The following C1orf185 variants were observed in gnomAD, a reference collection of about 807,000 sequenced individuals.
C1orf185 encodes the protein uncharacterized protein C1orf185.
C1orf185 carries 13 observed loss-of-function variants against 16.1 expected under a neutral mutation model. The observed-to-expected ratio is 0.81, with a 90% confidence interval of 0.53 to 1.28. The LOEUF (loss-of-function observed/expected upper bound fraction) is 1.28, where lower values mean the gene tolerates loss of function less well. Ranked by LOEUF, C1orf185 falls within the 50% of genes most tolerant of loss-of-function variation. C1orf185 has a pLI of 0.00. For synonymous variants in C1orf185, 80 were observed against 76.9 expected, an observed-to-expected ratio of 1.04 and a Z score of -0.21; for missense variants, 220 against 225.2, an observed-to-expected ratio of 0.98 and a Z score of 0.15.
At chr1:51,138,774 G>A (rs1646344424) in intron 3 of C1orf185, among the ~76,000 whole-genome samples, 1 of 151,922 alleles carries the variant, frequency 6.6e-6, no homozygotes, top group Admixed American at 6.6e-5. Context: ...TGCAACCTCC[G>A]CCTCCCAGGT....
At chr1:51,131,379 C>G (rs1317708821) in intron 3 of C1orf185, among the ~76,000 whole-genome samples, 1 of 152,220 alleles carries the variant, frequency 6.6e-6, no homozygotes, top group African/African-American at 2.4e-5. Flanking sequence ...TCTTCCTCCT[C>G]CTTTCTCCAT....
rs1023543760 is a variant in C1orf185, at chr1:51,147,507, A to C, written c.336A>C (p.Thr112=). 1.9e-5 allele frequency: 29 copies of C among 1,543,356 alleles called. No individual in the cohort carries two copies. The highest frequency in any genetic ancestry group is 2.4e-5 in the Non-Finnish European group (28 of 1,144,292). The change falls in exon 5 of 5, where the codon ACA becomes ACC. Residue 112 remains threonine, a synonymous_variant. Coordinates refer to ENST00000371759, the MANE Select transcript of C1orf185 (RefSeq NM_001136508.2). ...CTAAAGATGAACCCCAACTTGCAAC[A>C]AAAAATATCATTTGTGATCCCTCAG... The part of the protein sequence containing the change: ...DHSKDEPQLA[T]KNIICDPSET...
Position 51,142,892 on chromosome 1 carries a change from TAGCTG to T in C1orf185, c.259-2831_259-2827del, listed in dbSNP as rs1646374597. 2.0e-5 allele frequency among the ~76,000 whole-genome samples: 3 copies of T among 152,016 alleles called. No individual in the cohort carries two copies. In the South Asian group the frequency reaches 6.2e-4, roughly 32 times the overall value. Reference sequence around the variant, plus strand: ...GATTCTCATGCCTCAGCCTCCCAAGTAGCTGGGATTACAGGCATGCACCATCATGC... The same window carrying T: ...GATTCTCATGCCTCAGCCTCCCAAGTGGATTACAGGCATGCACCATCATGC... On this transcript the variant is annotated intron_variant, in intron 3 of 4. Coordinates refer to ENST00000371759, the MANE Select transcript of C1orf185 (RefSeq NM_001136508.2).
chr1:51,137,940 C>T (rs773420625), intron 3 of C1orf185, among the ~76,000 whole-genome samples: 23 of 152,240 alleles, frequency 1.5e-4, no homozygotes, highest in Non-Finnish European at 2.6e-4. Flanking sequence ...CTTTAGCAAA[C>T]TAACACAGGA....
intron 3 of C1orf185, among the ~76,000 whole-genome samples, chr1:51,119,685 A>T (rs1646183586): frequency 6.6e-6 from 1 of 152,216 alleles, no homozygotes; most frequent in Admixed American, 6.5e-5. Flanking sequence ...CTGTAGTCCT[A>T]GTTGTTCAGG....
At chr1:51,106,258 T>C (rs968614658) in intron 1 of C1orf185, among the ~76,000 whole-genome samples, 1 of 152,078 alleles carries the variant, frequency 6.6e-6, no homozygotes, top group Non-Finnish European at 1.5e-5. Context: ...GGTAGAAAAT[T>C]TGATATATAG....
downstream of C1orf185, among the ~76,000 whole-genome samples, chr1:51,151,590 C>T (rs1400960454): frequency 6.6e-6 from 1 of 152,176 alleles, no homozygotes; most frequent in African/African-American, 2.4e-5. Context: ...GAAGCTGTGC[C>T]TCAGCAGCGA....
intron 1 of C1orf185, among the ~76,000 whole-genome samples, chr1:51,109,526 T>C (rs1007014535): frequency 1.1e-4 from 17 of 149,314 alleles, no homozygotes; most frequent in Non-Finnish European, 1.9e-4. Flanking sequence ...TTTTTTTTTC[T>C]AGTTGTTTTA....
chr1:51,113,017 C>T (rs1259514375), intron 2 of C1orf185, among the ~76,000 whole-genome samples: 2 of 151,774 alleles, frequency 1.3e-5, no homozygotes, highest in Non-Finnish European at 2.9e-5. Context: ...CGGGGTTTCA[C>T]CATGTTGGCC....
intron 3 of C1orf185, among the ~76,000 whole-genome samples, chr1:51,119,216 G>A (rs571198325): frequency 1.6e-4 from 25 of 152,214 alleles, no homozygotes; most frequent in Non-Finnish European, 3.1e-4. Flanking sequence ...GCTCCTCTGG[G>A]CCCCTTTATT....
intron 3 of C1orf185, among the ~76,000 whole-genome samples, chr1:51,119,522 C>G: frequency 6.6e-6 from 1 of 152,208 alleles, no homozygotes; most frequent in East Asian, 1.9e-4. Context: ...CTGGCCATGG[C>G]AGCTCATGCC....
At chr1:51,103,778 G>T (rs1300112654) in intron 1 of C1orf185, among the ~76,000 whole-genome samples, 1 of 152,056 alleles carries the variant, frequency 6.6e-6, no homozygotes, top group East Asian at 1.9e-4. Context: ...CAGGTGATCT[G>T]CCTGCCTTGG....
intron 3 of C1orf185, among the ~76,000 whole-genome samples, chr1:51,124,500 TC>T (rs1165713391): frequency 1.3e-5 from 2 of 152,190 alleles, no homozygotes; most frequent in Non-Finnish European, 2.9e-5. Flanking sequence ...TGGACAGCAA[TC>T]TTTTGTTGAA....
At chr1:51,128,373 T>C (rs1302601327) in intron 3 of C1orf185, among the ~76,000 whole-genome samples, 1 of 152,182 alleles carries the variant, frequency 6.6e-6, no homozygotes, top group Non-Finnish European at 1.5e-5. Flanking sequence ...GGTGGTGTTA[T>C]TAGTATTTTT....
Position 51,118,763 on chromosome 1 carries a change from A to G in C1orf185, c.220A>G (p.Ile74Val). 6.7e-7 allele frequency: 1 copy of G among 1,484,076 alleles called. No individual in the cohort carries two copies. The highest frequency in any genetic ancestry group is 2.1e-5 in the Admixed American group (1 of 46,808). 91.9% of individuals were successfully genotyped at this position (1,484,076 alleles called of 1,614,324 possible). The change falls in exon 3 of 5, where the codon ATT (isoleucine) becomes GTT (valine). Residue 74 changes from isoleucine to valine, a missense_variant. Transcript: ENST00000371759. ...TAAATCTCATTCTCAGTGTGTTTTT[A>G]TTTCTCGAAATTTTCATACTGGGAG... ...KIKSHSQCVFISRNFHTGRFQ... is the reference protein window; with the variant it reads ...KIKSHSQCVFVSRNFHTGRFQ...
chr1:51,147,607 C>T lies in C1orf185; in HGVS notation c.436C>T (p.Gln146Ter). The change falls in exon 5 of 5, where the codon CAA becomes TAA. Residue 146 changes from glutamine to a stop codon, truncating the protein, a stop_gained. Transcript: ENST00000371759. LOFTEE classifies it high-confidence loss of function. Reference protein sequence around the residue: ...STLPSDSYYSQSIEAADDWFS... With the variant: ...STLPSDSYYS ...ATTACCATCTGATTCTTATTACAGC[C>T]AAAGTATAGAAGCAGCTGATGACTG... is the stretch of plus-strand genomic sequence containing the variant. The T allele has an allele frequency of 6.4e-7, 1 of 1,551,490 alleles. No individual in the cohort carries two copies. The highest frequency in any genetic ancestry group is 8.7e-7 in the Non-Finnish European group (1 of 1,146,916).
chr1:51,127,919 G>A (rs1273023429), intron 3 of C1orf185, among the ~76,000 whole-genome samples: 2 of 125,284 alleles, frequency 1.6e-5, no homozygotes, highest in South Asian at 2.4e-4. Flanking sequence ...ATAGAGTCTC[G>A]CTCTGTCACC....
At chr1:51,146,182 GGCGT>G (rs1291312792) in intron 4 of C1orf185, among the ~76,000 whole-genome samples, 1 of 152,038 alleles carries the variant, frequency 6.6e-6, no homozygotes, top group Non-Finnish European at 1.5e-5. Flanking sequence ...GTTTAGACCA[GGCGT>G]GGTGTCTCAT....
intron 3 of C1orf185, among the ~76,000 whole-genome samples, chr1:51,141,574 A>G (rs1357174867): frequency 6.6e-6 from 1 of 152,246 alleles, no homozygotes; most frequent in Non-Finnish European, 1.5e-5. Context: ...TCAGTGTGGT[A>G]GAAAGAGAAC....
Sources: allele counts gnomAD v4.1 joint callset (sites outside exome capture counted in the v4.1 genomes callset), GRCh38; gene constraint gnomAD v4.1.1; transcripts MANE v1.5; gene names NCBI Gene and HGNC (gene_info 2026-07-23, HGNC 2026-07-21).